EIF4ENIF1: variants seen among roughly 807,000 people sequenced by gnomAD.
EIF4ENIF1 encodes eukaryotic translation initiation factor 4E nuclear import factor 1.
EIF4ENIF1 carries 23 observed loss-of-function variants against 110.5 expected under a neutral mutation model. The observed-to-expected ratio is 0.21, with a 90% CI of 0.15 to 0.29. EIF4ENIF1 has a LOEUF of 0.29. Among genes scored for constraint, EIF4ENIF1 ranks in the 10% least tolerant of loss-of-function variants. The pLI, the probability that EIF4ENIF1 is intolerant of heterozygous loss-of-function variation, is 1.00. For synonymous variants in EIF4ENIF1, 440 were observed against 437.0 expected (o/e 1.01, Z -0.09); for missense variants, 1,031 against 1,221.1 (o/e 0.84, Z 2.32).
chr22:31,447,801 T>C (rs1298737865), intron 13 of EIF4ENIF1, among the ~76,000 whole-genome samples: 1 of 152,150 alleles, frequency 6.6e-6, no homozygotes, highest in Non-Finnish European at 1.5e-5. Flanking sequence ...ATCAAAACCA[T>C]TTCTTTTAGA....
intron 15 of EIF4ENIF1, chr22:31,444,289 CCT>C: frequency 3.6e-6 from 1 of 277,588 alleles, no homozygotes; most frequent in South Asian, 4.0e-5. Flanking sequence ...CACTTCACCT[CCT>C]GTCTCTCACT....
rs764795804 is a variant in EIF4ENIF1 at position 31,488,658 on chromosome 22, G to T, written c.61C>A (p.Pro21Thr). Residue 21 changes from proline to threonine, a missense_variant, in exon 2 of 19, where the codon CCT becomes ACT. Around this residue, in one of 3 missense-constraint regions of EIF4ENIF1, gnomAD observed 704 missense variants for 879.7 expected, o/e 0.80. Coordinates refer to ENST00000330125, the MANE Select transcript of EIF4ENIF1 (RefSeq NM_019843.4). Reference sequence around the variant, plus strand: ...CGATGGGGGCATTTGGAGGCAGGAGGCTTCTTCAGGTCAAGGAAAGCATCT... The same window carrying T: ...CGATGGGGGCATTTGGAGGCAGGAGTCTTCTTCAGGTCAAGGAAAGCATCT... ...SGDAFLDLKK[P>T]PASKCPHRYT... is the part of the protein sequence containing the mutation. 4 of 1,613,960 alleles carry T rather than the reference G, an allele frequency of 2.5e-6. No individual in the cohort carries two copies. Among genetic ancestry groups the T allele is most frequent in the Non-Finnish European group, 2.5e-6 (3 of 1,179,988 alleles).
At position 31,455,863 on chromosome 22, in the gene EIF4ENIF1, T is replaced by C; in HGVS notation, c.1088A>G (p.Glu363Gly). The C allele has an allele frequency of 6.2e-7, 1 of 1,614,196 alleles. No individual in the cohort carries two copies. The highest frequency in any genetic ancestry group is 8.5e-7 in the Non-Finnish European group (1 of 1,180,032). Residue 363 changes from glutamate (E) to glycine (G), a missense_variant, in exon 8 of 19, where the codon GAG becomes GGG. Physicochemically the swap from Glu to Gly is moderately conservative, Grantham distance 98. Transcript: ENST00000330125. ...TGAAGCCATTTTACCTGCAAGTCTC[T>C]CTAGCTCTTCATGTGGTGTTGACCC... ...SLGSTPHEEL[E>G]RLAGLEQAIL... is the part of the protein sequence containing the mutation.
intron 11 of EIF4ENIF1, among the ~76,000 whole-genome samples, chr22:31,449,755 G>A (rs1601573376): frequency 6.9e-6 from 1 of 145,592 alleles, no homozygotes; most frequent in East Asian, 2.0e-4. Flanking sequence ...TTTTGAGACA[G>A]AGTCTCACTC....
chr22:31,473,545 CTT>C (rs1317093990), intron 2 of EIF4ENIF1, among the ~76,000 whole-genome samples: 1 of 152,090 alleles, frequency 6.6e-6, no homozygotes, highest in Non-Finnish European at 1.5e-5. Context: ...ACTTTTGTCT[CTT>C]ATGATAGTGA....
At chr22:31,453,942 T>C (rs2050746572) in intron 10 of EIF4ENIF1, among the ~76,000 whole-genome samples, 2 of 152,168 alleles carry the variant, frequency 1.3e-5, no homozygotes, top group African/African-American at 4.8e-5. Context: ...CCACAATACA[T>C]ATAAATTAAC....
Position 31,442,396 on chromosome 22 carries a change from C to A in EIF4ENIF1, c.2207-278G>T, listed in dbSNP as rs529050743. Among the ~76,000 whole-genome samples, 3 of 152,244 alleles carry A rather than the reference C, an allele frequency of 2.0e-5. No homozygotes were observed. The East Asian group carries it at 5.8e-4, about 29-fold the overall frequency. On this transcript the variant is annotated intron_variant, in intron 16 of 18. Transcript: ENST00000330125. ...GGCAATTAGAGTCTGGTCAAAGAAC[C>A]CAAACTGTCTTAATAGTACCAACAG...
Position 31,458,570 on chromosome 22 carries a change from C to T in EIF4ENIF1, c.868G>A (p.Glu290Lys). The change falls in exon 7 of 19, where the codon GAA (glutamate) becomes AAA (lysine). Residue 290 changes from glutamate (E) to lysine (K), a missense_variant. By Grantham distance (56) the Glu-to-Lys change is moderately conservative. Around this residue, in one of 3 missense-constraint regions of EIF4ENIF1, gnomAD observed 704 missense variants for 879.7 expected, o/e 0.80. Coordinates refer to ENST00000330125, the MANE Select transcript of EIF4ENIF1 (RefSeq NM_019843.4). ...ILAQEPAADQ[E>K]VPRDAVLPEQ... ...GGCAAGACAGCATCCCTTGGCACTT[C>T]CTGATCAGCCGCAGGCTCCTGTGCA... 6.2e-7 allele frequency: 1 copy of T among 1,613,898 alleles called. No individual in the cohort carries two copies. Among genetic ancestry groups the T allele is most frequent in the Non-Finnish European group, 8.5e-7 (1 of 1,179,844 alleles).
intron 4 of EIF4ENIF1, among the ~76,000 whole-genome samples, chr22:31,467,486 G>A (rs1212610573): frequency 5.3e-5 from 8 of 152,194 alleles, no homozygotes; most frequent in Admixed American, 2.6e-4. Context: ...GTCTCAAACC[G>A]TATCCAAGCC....
chr22:31,492,374 T>G (rs548468301), upstream of EIF4ENIF1, among the ~76,000 whole-genome samples: 1 of 152,324 alleles, frequency 6.6e-6, no homozygotes, highest in Non-Finnish European at 1.5e-5. Context: ...TAGGCATGTT[T>G]TAAACCACCA....
At chr22:31,477,845 G>T (rs2051648809) in intron 2 of EIF4ENIF1, among the ~76,000 whole-genome samples, 1 of 152,164 alleles carries the variant, frequency 6.6e-6, no homozygotes, top group African/African-American at 2.4e-5. Context: ...AAACATCTAG[G>T]TAAACAGTAT....
chr22:31,456,123 G>A, intron 7 of EIF4ENIF1, 136 bp from the exon 8 acceptor site: 2 of 872,888 alleles, frequency 2.3e-6, no homozygotes, highest in Non-Finnish European at 3.3e-6. Flanking sequence ...TCAGAACCTA[G>A]GAATTTGAAC....
chr22:31,449,268 C>T (rs1168467310), intron 12 of EIF4ENIF1, 80 bp downstream of exon 12: 24 of 1,485,542 alleles, frequency 1.6e-5, no homozygotes, highest in Middle Eastern at 3.9e-4. Flanking sequence ...CCTCGGCCTC[C>T]CAGAGTGCTG....
At chr22:31,491,059 T>TG (rs1351204665), upstream of EIF4ENIF1, among the ~76,000 whole-genome samples, 1 of 152,188 alleles carries the variant, frequency 6.6e-6, no homozygotes, top group African/African-American at 2.4e-5. Context: ...GGGAAACACT[T>TG]GCACATCAGG....
chr22:31,479,706 T>A (rs1020525877), intron 2 of EIF4ENIF1, among the ~76,000 whole-genome samples: 10 of 120,278 alleles, frequency 8.3e-5, no homozygotes, highest in East Asian at 7.1e-4. Context: ...TTTTTTTTTT[T>A]AATCTATCCT....
chr22:31,449,134 C>T (rs1403753048), intron 12 of EIF4ENIF1, among the ~76,000 whole-genome samples: 3 of 152,148 alleles, frequency 2.0e-5, no homozygotes. Context: ...TCTCAGCCTC[C>T]TGCGTAGCTG....
chr22:31,489,041 A>G (rs1191860438), intron 1 of EIF4ENIF1: 1 of 254,980 alleles, frequency 3.9e-6, no homozygotes, highest in African/African-American at 2.3e-5. Flanking sequence ...GCTGCCACCC[A>G]TGGGGATCTT....
upstream of EIF4ENIF1, among the ~76,000 whole-genome samples, chr22:31,490,515 T>C (rs1011327995): frequency 6.6e-6 from 1 of 152,200 alleles, no homozygotes. Context: ...CACGATTGGC[T>C]TTGATAGCGA....
At chr22:31,441,276 G>A (rs1433190440) in intron 17 of EIF4ENIF1, among the ~76,000 whole-genome samples, 1 of 151,628 alleles carries the variant, frequency 6.6e-6, no homozygotes, top group Non-Finnish European at 1.5e-5. Context: ...TCTGGCTCAC[G>A]CCTGTAATCC....
Sources: allele counts gnomAD v4.1 joint callset (sites outside exome capture counted in the v4.1 genomes callset), GRCh38; gene constraint gnomAD v4.1.1; regional missense constraint gnomAD v4.1.1; transcripts MANE v1.5; gene names NCBI Gene and HGNC (gene_info 2026-07-23, HGNC 2026-07-21).